PMFBP1: variants seen among roughly 807,000 people sequenced by gnomAD.
PMFBP1 encodes the protein polyamine-modulated factor 1-binding protein 1.
Under a neutral mutation model 137.8 loss-of-function variants are expected in PMFBP1, and 131 were observed. That is an observed-to-expected ratio of 0.95 (90% confidence interval 0.82 to 1.10). PMFBP1 has a LOEUF of 1.10. PMFBP1 is among the 50% of genes least tolerant of loss of function. The pLI is 0.00. For synonymous variants in PMFBP1, 490 were observed against 450.4 expected, an observed-to-expected ratio of 1.09 and a Z score of -1.11; for missense variants, 1,199 against 1,175.4, an observed-to-expected ratio of 1.02 and a Z score of -0.29.
At chr16:72,138,565 G>C (rs570100841) in intron 7 of PMFBP1, among the ~76,000 whole-genome samples, 123 of 152,202 alleles carry the variant, frequency 8.1e-4, no homozygotes, top group Admixed American at 2.0e-3. Flanking sequence ...GCCCAGGCTG[G>C]AGTGCAGTGG....
the PMFBP1 span, among the ~76,000 whole-genome samples, chr16:72,247,233 A>C: frequency 6.6e-6 from 1 of 152,254 alleles, no homozygotes; most frequent in Non-Finnish European, 1.5e-5. Context: ...GCATGTAGTT[A>C]AGTGTGCTTA....
chr16:72,230,473 G>A, the PMFBP1 span, among the ~76,000 whole-genome samples: 2 of 152,108 alleles, frequency 1.3e-5, no homozygotes, highest in Non-Finnish European at 2.9e-5. Flanking sequence ...ACTTTCTCCT[G>A]AGTTGACTCA....
chr16:72,164,526 C>T (rs750351747), intron 3 of PMFBP1: 366 of 1,394,380 alleles, frequency 2.6e-4, no homozygotes, highest in Non-Finnish European at 3.5e-4. Context: ...AGGAAAACAT[C>T]GTGCCTAGGA....
At chr16:72,249,300 A>AC in the PMFBP1 span, among the ~76,000 whole-genome samples, 5 of 152,110 alleles carry the variant, frequency 3.3e-5, no homozygotes, top group Admixed American at 1.3e-4. Context: ...ATATTAAAAA[A>AC]TAAAAAATCG....
At chr16:72,118,701 G>T (rs1013080534), downstream of PMFBP1, among the ~76,000 whole-genome samples, 1 of 152,148 alleles carries the variant, frequency 6.6e-6, no homozygotes, top group Non-Finnish European at 1.5e-5. Context: ...TTGTATTGAG[G>T]TGGCTGGGGA....
At chr16:72,199,601 C>G in the PMFBP1 span, among the ~76,000 whole-genome samples, 1 of 137,050 alleles carries the variant, frequency 7.3e-6, no homozygotes, top group South Asian at 2.2e-4. Flanking sequence ...TTGCAGGGAG[C>G]TGAGATCATG....
At chr16:72,215,399 AG>A in the PMFBP1 span, among the ~76,000 whole-genome samples, 9 of 152,012 alleles carry the variant, frequency 5.9e-5, no homozygotes, top group Non-Finnish European at 1.0e-4. Context: ...TGTTTACAAA[AG>A]AATAGCCATT....
chr16:72,164,633 A>C, intron 3 of PMFBP1, 131 bp downstream of exon 3: 2 of 1,296,264 alleles, frequency 1.5e-6, no homozygotes, highest in East Asian at 4.6e-5. Flanking sequence ...AATTCTCTTA[A>C]TTCTCTCTCA....
intron 7 of PMFBP1, among the ~76,000 whole-genome samples, chr16:72,138,062 G>C (rs1397841053): frequency 6.6e-6 from 1 of 152,190 alleles, no homozygotes; most frequent in Admixed American, 6.5e-5. Context: ...TGCGGTGGGG[G>C]AAGGTGTATT....
the PMFBP1 span, among the ~76,000 whole-genome samples, chr16:72,249,744 G>A: frequency 4.7e-5 from 7 of 149,726 alleles, no homozygotes; most frequent in Admixed American, 2.0e-4. Flanking sequence ...GTGAAACCCC[G>A]TCTCTACTAA....
the PMFBP1 span, among the ~76,000 whole-genome samples, chr16:72,231,226 A>G: frequency 1.3e-5 from 2 of 152,240 alleles, no homozygotes; most frequent in African/African-American, 4.8e-5. Context: ...ATCATTTACG[A>G]AAGCCTATTA....
the PMFBP1 span, among the ~76,000 whole-genome samples, chr16:72,242,490 T>C: frequency 7.6e-4 from 116 of 152,342 alleles, no homozygotes; most frequent in African/African-American, 2.5e-3. Flanking sequence ...CAAAAATCTA[T>C]AGAACCTTTT....
chr16:72,192,025 T>G, the PMFBP1 span, among the ~76,000 whole-genome samples: 1 of 152,252 alleles, frequency 6.6e-6, no homozygotes, highest in Non-Finnish European at 1.5e-5. Flanking sequence ...CCCTGCGAGC[T>G]GAAACATTAC....
chr16:72,222,899 G>C, the PMFBP1 span, among the ~76,000 whole-genome samples: 1 of 152,176 alleles, frequency 6.6e-6, no homozygotes. Context: ...GGAGCAGTAG[G>C]AATTCAATCA....
Position 72,154,287 on chromosome 16 carries a change from T to C in PMFBP1, c.338A>G (p.Gln113Arg). 6.2e-7 allele frequency: 1 copy of C among 1,614,188 alleles called. No individual in the cohort carries two copies. Among genetic ancestry groups the C allele is most frequent in the Non-Finnish European group, 8.5e-7 (1 of 1,180,018 alleles). The change falls in exon 4 of 21, where the codon CAG (glutamine) becomes CGG (arginine). Residue 113 changes from glutamine (Q) to arginine (R), a missense_variant. Transcript: ENST00000237353. The stretch of plus-strand genomic sequence containing the variant: ...CTGCTTCTCTAGGATGGACTGATAC[T>C]GGCGGAGAGAATAGTAAGAAGTCTG... ...ELQTSYYSLR[Q>R]YQSILEKQTS...
chr16:72,226,015 C>T, the PMFBP1 span, among the ~76,000 whole-genome samples: 2 of 151,698 alleles, frequency 1.3e-5, no homozygotes, highest in Non-Finnish European at 2.9e-5. Context: ...AGCTACCAAA[C>T]ACTACTTTCT....
intron 9 of PMFBP1, among the ~76,000 whole-genome samples, chr16:72,134,635 T>G (rs1396322068): frequency 6.6e-6 from 1 of 152,178 alleles, no homozygotes; most frequent in African/African-American, 2.4e-5. Flanking sequence ...CTTGCCACCC[T>G]CACAACTCTC....
chr16:72,148,597 TG>T (rs2042851351), intron 5 of PMFBP1, among the ~76,000 whole-genome samples: 1 of 152,124 alleles, frequency 6.6e-6, no homozygotes, highest in African/African-American at 2.4e-5. Flanking sequence ...AGTTACAGAC[TG>T]GGAGAAAATA....
At chr16:72,118,761 G>A (rs913115920), downstream of PMFBP1, among the ~76,000 whole-genome samples, 25 of 86,462 alleles carry the variant, frequency 2.9e-4, no homozygotes, top group African/African-American at 9.3e-4. Context: ...CCCGGTGGTG[G>A]GCGGGGGGGC....
Sources: allele counts gnomAD v4.1 joint callset (sites outside exome capture counted in the v4.1 genomes callset), GRCh38; gene constraint gnomAD v4.1.1; transcripts MANE v1.5; gene names NCBI Gene and HGNC (gene_info 2026-07-23, HGNC 2026-07-21).